The following INPP5J variants were observed in gnomAD, a reference collection of about 807,000 sequenced individuals.
The protein encoded by INPP5J is inositol polyphosphate-5-phosphatase J, also known as phosphatidylinositol 4,5-bisphosphate 5-phosphatase A.
In INPP5J, 75 loss-of-function variants were observed where a neutral mutation model predicts 86.6. The ratio of observed to expected loss-of-function variants is 0.87; its 90% CI spans 0.72 to 1.05. The LOEUF is 1.05. INPP5J is among the 50% of genes least tolerant of loss of function. INPP5J has a pLI of 0.00. For synonymous variants in INPP5J, 540 were observed against 550.0 expected, an observed-to-expected ratio of 0.98 and a Z score of 0.25; for missense variants, 1,229 against 1,341.2, an observed-to-expected ratio of 0.92 and a Z score of 1.31.
Position 31,125,956 on chromosome 22 carries a change from T to C in INPP5J, c.1217T>C (p.Leu406Pro). Residue 406 changes from leucine to proline, a missense_variant, in exon 2 of 13, where the codon CTG (leucine) becomes CCG (proline). Leu to Pro is a moderately conservative substitution (Grantham distance 98). Coordinates refer to ENST00000331075, the MANE Select transcript of INPP5J (RefSeq NM_001284285.2). ...ACCACCTCCTCTTCTACATCCACCC[T>C]GTCATCCTCCCCTTGGTCAGCTCAG... is the stretch of plus-strand genomic sequence containing the variant. ...PVTTSSSTST[L>P]SSSPWSAQPT... 6.2e-7 allele frequency: 1 copy of C among 1,608,534 alleles called. No individual in the cohort carries two copies. Among genetic ancestry groups the C allele is most frequent in the Admixed American group, 1.7e-5 (1 of 59,806 alleles).
chr22:31,124,745 G>A (rs1921188806), intron 1 of INPP5J, 100 bp from the exon 2 acceptor site: 1 of 986,844 alleles, frequency 1.0e-6, no homozygotes, highest in African/African-American at 1.6e-5. Context: ...GGAAAGATGT[G>A]CCTTTCTTAG....
upstream of INPP5J, chr22:31,122,945 T>C: frequency 9.4e-7 from 1 of 1,062,142 alleles, no homozygotes; most frequent in South Asian, 2.0e-5. Context: ...GCTGATGACA[T>C]CACTGGTTCC....
At chr22:31,126,857 G>A in intron 4 of INPP5J, 64 bp from the exon 5 acceptor site, 1 of 1,453,780 alleles carries the variant, frequency 6.9e-7, no homozygotes, top group Non-Finnish European at 9.6e-7. Context: ...GAGCAGACCT[G>A]AAGGTGGGCG....
At chr22:31,123,659 G>C (rs1249607951) in intron 1 of INPP5J, among the ~76,000 whole-genome samples, 6 of 152,178 alleles carry the variant, frequency 3.9e-5, no homozygotes, top group Non-Finnish European at 8.8e-5. Context: ...AAACAGAAGT[G>C]CGTCTCCAGA....
intron 9 of INPP5J, among the ~76,000 whole-genome samples, chr22:31,132,262 G>C (rs1411036537): frequency 6.6e-6 from 1 of 152,182 alleles, no homozygotes; most frequent in Admixed American, 6.5e-5. Context: ...AGCTCTTCTT[G>C]CCTGCTCAGG....
chr22:31,123,437 A>AG (rs1044404906), intron 1 of INPP5J, among the ~76,000 whole-genome samples: 1 of 151,998 alleles, frequency 6.6e-6, no homozygotes, highest in East Asian at 1.9e-4. Context: ...ATGCAAAATG[A>AG]GGGGGCTTGT....
rs377104936 is a variant in INPP5J, at chr22:31,134,291, C to T, written c.2893C>T (p.Arg965Cys). The change falls in exon 13 of 13, where the codon CGC becomes TGC. Residue 965 changes from arginine to cysteine, a missense_variant. By Grantham distance (180) the Arg-to-Cys change is radical. Coordinates refer to ENST00000331075, the MANE Select transcript of INPP5J (RefSeq NM_001284285.2). ...AAGCCTGGGCCTGTTGCCCGCCTTG[C>T]GCCTAGAGACTGTAGACCCTGGTGG... ...PRSLGLLPAL[R>C]LETVDPGGGG... 5.6e-5 allele frequency: 87 copies of T among 1,554,726 alleles called. No individual in the cohort carries two copies. The highest frequency in any genetic ancestry group is 5.6e-4 in the East Asian group (23 of 41,284).
chr22:31,125,378 T>G lies in INPP5J; in HGVS notation c.639T>G (p.Thr213=), dbSNP rs568427683. The G allele has an allele frequency of 1.3e-6, 2 of 1,550,244 alleles. No homozygotes were observed. Among genetic ancestry groups the G allele is most frequent in the South Asian group, 2.4e-5 (2 of 84,038 alleles). Residue 213 remains threonine (T), a synonymous_variant, in exon 2 of 13, where the codon ACT becomes ACG. Transcript: ENST00000331075. ...TGCCCAGTCCAGTTCTGTCTCCAAC[T>G]CAGGAACAGGCCCTGGCTCCAGCAT... ...SPVPSPVLSP[T]QEQALAPAST... is the part of the protein sequence containing the mutation.
chr22:31,123,157 A>C, intron 1 of INPP5J, 38 bp downstream of exon 1: 1 of 1,317,400 alleles, frequency 7.6e-7, no homozygotes, highest in Non-Finnish European at 1.0e-6. Context: ...CGCTTTCCTG[A>C]TCCCTGGTTC....
Position 31,125,301 on chromosome 22 carries a change from G to C in INPP5J, c.562G>C (p.Ala188Pro). 4 of 1,550,466 alleles carry C rather than the reference G, an allele frequency of 2.6e-6. No homozygotes were observed. The highest frequency in any genetic ancestry group is 3.5e-6 in the Non-Finnish European group (4 of 1,146,954). The part of the protein sequence containing the change: ...PTLAASGLSL[A>P]LASEEQPPEL... The stretch of plus-strand genomic sequence containing the variant: ...ACTGGCAGCCTCTGGCCTGAGCCTG[G>C]CCCTGGCTTCTGAGGAGCAGCCCCC... Residue 188 changes from alanine (A) to proline (P), a missense_variant, in exon 2 of 13, where the codon GCC becomes CCC. Transcript: ENST00000331075.
chr22:31,124,999 C>A lies in INPP5J; in HGVS notation c.260C>A (p.Ala87Asp), dbSNP rs953450994. ...CTGGCATCTCCCCGACCAATCCTGG[C>A]TCCACTGTGTACCCCTGAAGGGCAG... ...LALASPRPILAPLCTPEGQKT... is the reference protein window; with the variant it reads ...LALASPRPILDPLCTPEGQKT... Residue 87 changes from alanine (A) to aspartate (D), a missense_variant, in exon 2 of 13, where the codon GCT becomes GAT. Ala to Asp is a moderately radical substitution (Grantham distance 126). Coordinates refer to ENST00000331075, the MANE Select transcript of INPP5J (RefSeq NM_001284285.2). 1 of 1,576,812 alleles carries A rather than the reference C, an allele frequency of 6.3e-7. No homozygotes were observed. The highest frequency in any genetic ancestry group is 1.4e-5 in the African/African-American group (1 of 73,834).
intron 6 of INPP5J, 89 bp downstream of exon 6, chr22:31,127,621 G>A: frequency 7.4e-7 from 1 of 1,354,518 alleles, no homozygotes; most frequent in South Asian, 1.4e-5. Context: ...ATGGAGAGAG[G>A]CAGGGCCTAT....
rs1179475599 is a variant in INPP5J, at chr22:31,125,376, A to G, written c.637A>G (p.Thr213Ala). 6 of 1,550,380 alleles carry G rather than the reference A, an allele frequency of 3.9e-6. No homozygotes were observed. Among genetic ancestry groups the G allele is most frequent in the Non-Finnish European group, 5.2e-6 (6 of 1,146,910 alleles). The change falls in exon 2 of 13, where the codon ACT becomes GCT. Residue 213 changes from threonine to alanine, a missense_variant. By Grantham distance (58) the Thr-to-Ala change is moderately conservative. Transcript: ENST00000331075. ...GGTGCCCAGTCCAGTTCTGTCTCCA[A>G]CTCAGGAACAGGCCCTGGCTCCAGC... ...SPVPSPVLSP[T>A]QEQALAPAST...
chr22:31,134,424 G>A lies in INPP5J; in HGVS notation c.*5G>A, dbSNP rs2147889985. On this transcript the variant is annotated 3_prime_UTR_variant, in exon 13 of 13. Coordinates refer to ENST00000331075, the MANE Select transcript of INPP5J (RefSeq NM_001284285.2). ...GAAGGGGGCCTGGGGCCCTGAGGGT[G>A]GGGTAGGCAGATGGGCCAAGGTGAC... The A allele has an allele frequency of 6.9e-7, 1 of 1,450,376 alleles. No individual in the cohort carries two copies. Among genetic ancestry groups the A allele is most frequent in the Non-Finnish European group, 9.1e-7 (1 of 1,101,302 alleles). 89.8% of individuals were successfully genotyped at this position (1,450,376 alleles called of 1,614,324 possible).
At position 31,125,831 on chromosome 22, in the gene INPP5J, A is replaced by G; in HGVS notation, c.1092A>G (p.Pro364=). ...HSPNRSPCVP[P]APDMALPRLG... is the part of the protein sequence containing the mutation. The stretch of plus-strand genomic sequence containing the variant: ...CGAATCGCTCTCCCTGTGTTCCCCC[A>G]GCCCCTGACATGGCCCTCCCAAGGC... The change falls in exon 2 of 13, where the codon CCA becomes CCG. Residue 364 remains proline, a synonymous_variant. Coordinates refer to ENST00000331075, the MANE Select transcript of INPP5J (RefSeq NM_001284285.2). 1 of 1,605,718 alleles carries G rather than the reference A, an allele frequency of 6.2e-7. No individual in the cohort carries two copies. Among genetic ancestry groups the G allele is most frequent in the Non-Finnish European group, 8.5e-7 (1 of 1,175,998 alleles).
intron 9 of INPP5J, among the ~76,000 whole-genome samples, chr22:31,129,473 C>T (rs1921862529): frequency 6.7e-6 from 1 of 149,096 alleles, no homozygotes; most frequent in African/African-American, 2.5e-5. Context: ...CTGCTGACCT[C>T]AGGTGATCCA....
intron 9 of INPP5J, among the ~76,000 whole-genome samples, chr22:31,131,756 G>A (rs986868641): frequency 1.3e-5 from 2 of 152,174 alleles, no homozygotes; most frequent in Non-Finnish European, 2.9e-5. Flanking sequence ...TCAGAATAGG[G>A]CTCAGTAGGG....
At chr22:31,130,123 C>T (rs900727005) in intron 9 of INPP5J, among the ~76,000 whole-genome samples, 1 of 152,012 alleles carries the variant, frequency 6.6e-6, no homozygotes, top group Non-Finnish European at 1.5e-5. Context: ...GGGCGGATCA[C>T]ATGAGGCCAG....
At position 31,125,752 on chromosome 22, in the gene INPP5J, C is replaced by T; in HGVS notation, c.1013C>T (p.Pro338Leu). ...GGGGCCCCCTCAGGCCAGACTGTGC[C>T]CCCACCTCTGCCCAAGCCACCCCGA... ...RPGAPSGQTV[P>L]PPLPKPPRSP... The change falls in exon 2 of 13, where the codon CCC (proline) becomes CTC (leucine). Residue 338 changes from proline to leucine, a missense_variant. By Grantham distance (98) the Pro-to-Leu change is moderately conservative (BLOSUM62 -3). Transcript: ENST00000331075. 6.4e-7 allele frequency: 1 copy of T among 1,550,898 alleles called. No individual in the cohort carries two copies. Among genetic ancestry groups the T allele is most frequent in the Non-Finnish European group, 8.7e-7 (1 of 1,146,374 alleles).
Sources: gnomAD v4.1 joint callset for allele counts (sites outside exome capture counted in the v4.1 genomes callset) on GRCh38, gnomAD v4.1.1 for gene constraint, MANE v1.5 for transcripts, NCBI Gene and HGNC (gene_info 2026-07-23, HGNC 2026-07-21) for gene names.